The following NRCAM variants were observed in gnomAD, a reference collection of about 807,000 sequenced individuals.
The protein encoded by NRCAM is NgCAM-related cell adhesion molecule.
Under a neutral mutation model 156.5 loss-of-function variants are expected in NRCAM, and 83 were observed. The observed-to-expected ratio is 0.53, with a 90% CI of 0.44 to 0.64. NRCAM has a LOEUF of 0.64. Among genes scored for constraint, NRCAM ranks in the 30% least tolerant of loss-of-function variants. The pLI is 0.00. For synonymous variants in NRCAM, 538 were observed against 563.9 expected, an observed-to-expected ratio of 0.95 and a Z score of 0.65; for missense variants, 1,417 against 1,597.3, an observed-to-expected ratio of 0.89 and a Z score of 1.92.
intron 1 of NRCAM, among the ~76,000 whole-genome samples, chr7:108,419,612 G>A (rs939664338): frequency 6.6e-6 from 1 of 152,170 alleles, no homozygotes; most frequent in East Asian, 1.9e-4. Context: ...CCATACAAAA[G>A]TGGGAGCTCA....
intron 3 of NRCAM, among the ~76,000 whole-genome samples, chr7:108,256,527 C>T (rs1317405827): frequency 9.0e-5 from 13 of 144,266 alleles, no homozygotes; most frequent in Non-Finnish European, 1.1e-4. Context: ...ACCAGAGACC[C>T]TTGTTCACAT....
chr7:108,227,166 C>A (rs2093608293), intron 8 of NRCAM, among the ~76,000 whole-genome samples: 1 of 152,196 alleles, frequency 6.6e-6, no homozygotes, highest in African/African-American at 2.4e-5. Context: ...TGGAACAGTG[C>A]CTGGCCCTTC....
chr7:108,255,761 A>C (rs990323329), intron 3 of NRCAM, among the ~76,000 whole-genome samples: 7 of 132,684 alleles, frequency 5.3e-5, no homozygotes, highest in Non-Finnish European at 9.6e-5. Context: ...GGATCTGAGG[A>C]GTGTCTCTGC....
At chr7:108,287,544 G>A (rs892565257) in intron 3 of NRCAM, among the ~76,000 whole-genome samples, 1 of 152,024 alleles carries the variant, frequency 6.6e-6, no homozygotes, top group Non-Finnish European at 1.5e-5. Context: ...TTTTGCAAAA[G>A]AAGACATACA....
chr7:108,456,340 G>C lies in NRCAM; in HGVS notation c.-429C>G, dbSNP rs1014301449. The C allele has an allele frequency of 1.2e-4, 18 of 151,832 alleles. No individual in the cohort carries two copies. Among genetic ancestry groups the C allele is most frequent in the African/African-American group, 4.1e-4 (17 of 41,424 alleles). The allele number at this position is 151,832 out of a possible 1,614,324, so 9.4% of individuals were successfully genotyped here. ...CTCGACGAAGCTATCCCCTCTGGCT[G>C]CTCCAGCCAGGCGGCCCCTGCGCCG... On this transcript the variant is annotated 5_prime_UTR_variant, in exon 1 of 33. Coordinates refer to ENST00000379028, the MANE Select transcript of NRCAM (RefSeq NM_001037132.4).
chr7:108,349,790 T>G (rs920115282), intron 2 of NRCAM, among the ~76,000 whole-genome samples: 33 of 152,148 alleles, frequency 2.2e-4, no homozygotes, highest in African/African-American at 8.0e-4. Context: ...CTGACCCATC[T>G]CCTTGTTTCC....
chr7:108,409,824 T>C (rs1793120906), intron 1 of NRCAM, among the ~76,000 whole-genome samples: 1 of 152,238 alleles, frequency 6.6e-6, no homozygotes, highest in Admixed American at 6.5e-5. Context: ...TAAAATAATA[T>C]GCATAGACTT....
Position 108,191,749 on chromosome 7 carries a change from C to A in NRCAM, c.1883G>T (p.Ser628Ile). The stretch of plus-strand genomic sequence containing the variant: ...CTTACCAACAACGCTAAGCACAGCG[C>A]TGGCGGAGACGCTGTCCAGAGTGGT... ...ANTTLDSVSA[S>I]AVLSVVAPTP... Residue 628 changes from serine (S) to isoleucine (I), a missense_variant, in exon 18 of 33, where the codon AGC becomes ATC. Transcript: ENST00000379028. The A allele has an allele frequency of 1.9e-6, 3 of 1,613,680 alleles. No homozygotes were observed. The African/African-American group carries it at 4.0e-5, about 22-fold the overall frequency.
At chr7:108,341,339 G>A (rs1444973546) in intron 2 of NRCAM, among the ~76,000 whole-genome samples, 1 of 152,250 alleles carries the variant, frequency 6.6e-6, no homozygotes, top group Admixed American at 6.5e-5. Context: ...ACACTGGCTC[G>A]GCCTTCTCAG....
intron 2 of NRCAM, among the ~76,000 whole-genome samples, chr7:108,323,351 A>G (rs1159887501): frequency 6.6e-6 from 1 of 152,130 alleles, no homozygotes; most frequent in African/African-American, 2.4e-5. Context: ...ATTATTCTCC[A>G]TTGCAATTCC....
intron 14 of NRCAM, among the ~76,000 whole-genome samples, chr7:108,196,671 AGAG>A (rs2075305633): frequency 6.6e-6 from 1 of 152,224 alleles, no homozygotes; most frequent in Non-Finnish European, 1.5e-5. Context: ...ATTATCAAAA[AGAG>A]GAGATCTAAG....
chr7:108,372,101 G>C (rs562449597), intron 2 of NRCAM, among the ~76,000 whole-genome samples: 3 of 152,130 alleles, frequency 2.0e-5, no homozygotes, highest in African/African-American at 7.2e-5. Flanking sequence ...AAGGTGCAAA[G>C]AATTCACAAT....
chr7:108,415,634 A>G (rs1468737360), intron 1 of NRCAM, among the ~76,000 whole-genome samples: 1 of 152,222 alleles, frequency 6.6e-6, no homozygotes, highest in African/African-American at 2.4e-5. Flanking sequence ...GTATCCCAGC[A>G]CTTTGGGAGG....
intron 1 of NRCAM, among the ~76,000 whole-genome samples, chr7:108,427,362 G>C (rs992429257): frequency 1.3e-5 from 2 of 152,190 alleles, no homozygotes; most frequent in Non-Finnish European, 2.9e-5. Flanking sequence ...CCTCCGACAA[G>C]GCTGTTAAAG....
intron 23 of NRCAM, 72 bp from the exon 24 acceptor site, chr7:108,182,009 C>A: frequency 1.7e-6 from 2 of 1,210,694 alleles, no homozygotes; most frequent in East Asian, 2.4e-5. Flanking sequence ...ATGACTCTCT[C>A]TAATAATTTT....
chr7:108,317,860 G>A (rs865876180), intron 2 of NRCAM, among the ~76,000 whole-genome samples: 1 of 148,628 alleles, frequency 6.7e-6, no homozygotes, highest in Non-Finnish European at 1.5e-5. Flanking sequence ...AGTGAGTTGA[G>A]ATGGCGCCAT....
At chr7:108,409,526 C>A (rs1792665142) in intron 1 of NRCAM, among the ~76,000 whole-genome samples, 1 of 152,182 alleles carries the variant, frequency 6.6e-6, no homozygotes, top group South Asian at 2.1e-4. Flanking sequence ...TCCATTTTCA[C>A]CCCGGTGCCA....
chr7:108,238,607 A>G lies in NRCAM; in HGVS notation c.107-838T>C, dbSNP rs1212351474. Among the ~76,000 whole-genome samples the G allele has an allele frequency of 2.6e-5, 4 of 152,154 alleles. No individual in the cohort carries two copies. The East Asian group carries it at 7.7e-4, about 29-fold the overall frequency. On this transcript the variant is annotated intron_variant, in intron 4 of 32. Transcript: ENST00000379028. The stretch of plus-strand genomic sequence containing the variant: ...AGGTGACTGTTTCCCTCTGCTTGAC[A>G]GATTGAACAGTCAGATTAAGGGGGA...
chr7:108,173,693 T>A (rs1343369885), intron 28 of NRCAM, among the ~76,000 whole-genome samples: 5 of 152,174 alleles, frequency 3.3e-5, no homozygotes, highest in African/African-American at 1.2e-4. Context: ...ACGCTATTCT[T>A]TTCTTATCTA....
Sources: allele counts gnomAD v4.1 joint callset (sites outside exome capture counted in the v4.1 genomes callset), GRCh38; gene constraint gnomAD v4.1.1; transcripts MANE v1.5; gene names NCBI Gene and HGNC (gene_info 2026-07-23, HGNC 2026-07-21).